The following DDHD2 variants were observed in gnomAD, a reference collection of about 807,000 sequenced individuals.
DDHD2 encodes DDHD domain containing 2, also known as triacylglycerol hydrolase DDHD2.
In DDHD2, 62 loss-of-function variants were observed where a neutral mutation model predicts 91.2. The observed-to-expected ratio is 0.68, with a 90% confidence interval of 0.55 to 0.84. DDHD2 has a LOEUF of 0.84. DDHD2 is among the 40% of genes least tolerant of loss of function. The probability of loss-of-function intolerance (pLI) is 0.00; values close to 1 mark genes in which losing one functional copy is unlikely to be tolerated. For synonymous variants in DDHD2, 271 were observed against 293.9 expected, an observed-to-expected ratio of 0.92 and a Z score of 0.80; for missense variants, 740 against 846.9, an observed-to-expected ratio of 0.87 and a Z score of 1.57.
chr8:38,252,591 A>C, intron 13 of DDHD2, 131 bp from the exon 14 acceptor site: 1 of 704,932 alleles, frequency 1.4e-6, no homozygotes, highest in Non-Finnish European at 2.3e-6. Flanking sequence ...ACAGTGAGCC[A>C]TGATTGCACC....
chr8:38,267,520 TTAG>T, downstream of DDHD2: 1 of 1,101,494 alleles, frequency 9.1e-7, no homozygotes, highest in Non-Finnish European at 1.3e-6. Context: ...GGTAACTGGC[TTAG>T]TATAGTCACC....
At chr8:38,234,868 A>G (rs1282193232) in intron 3 of DDHD2, among the ~76,000 whole-genome samples, 2 of 151,930 alleles carry the variant, frequency 1.3e-5, no homozygotes, top group Non-Finnish European at 2.9e-5. Flanking sequence ...CCCCGGTTCA[A>G]GTGATTCTCA....
intron 6 of DDHD2, among the ~76,000 whole-genome samples, chr8:38,241,393 T>C (rs1370863973): frequency 1.3e-5 from 2 of 151,958 alleles, no homozygotes; most frequent in Admixed American, 6.6e-5. Flanking sequence ...TCTTTTTTTT[T>C]CCTTTTCCTT....
At position 38,247,754 on chromosome 8, in the gene DDHD2, A is replaced by C; in HGVS notation, c.1167A>C (p.Thr389=). The change falls in exon 10 of 18, where the codon ACA becomes ACC. Residue 389 remains threonine (T), a synonymous_variant. Transcript: ENST00000397166. ...TAATGGATCAAGGAGATACACCTAC[A>C]CTAGAGGAAGATTTGAAGAAACTTC... ...NIVMDQGDTP[T]LEEDLKKLQL... 6.4e-7 allele frequency: 1 copy of C among 1,574,008 alleles called. No homozygotes were observed. The highest frequency in any genetic ancestry group is 8.7e-7 in the Non-Finnish European group (1 of 1,155,914).
At position 38,252,300 on chromosome 8, in the gene DDHD2, C is replaced by G; in HGVS notation, c.1617+13C>G. 6.3e-7 allele frequency: 1 copy of G among 1,596,468 alleles called. No homozygotes were observed. On this transcript the variant is annotated intron_variant, in intron 13 of 17. Transcript: ENST00000397166. ...TATTTATCACCCTGTAAGCATTGTA[C>G]AGCTATTGTGGTTTTACCTAAATAT...
chr8:38,265,010 T>C (rs898245934), downstream of DDHD2: 1 of 1,173,890 alleles, frequency 8.5e-7, no homozygotes, highest in Non-Finnish European at 1.3e-6. Context: ...GACTCACGCC[T>C]GTAATCCCAG....
In DDHD2 at chr8:38,251,925, CAG is replaced by C. The variant is rs748667004; in HGVS notation, c.1359_1360del (p.Ala454ProfsTer14). ...TTTATTCTTTAGGGTATTAAGAGAC[CAG>C]CCCCGCAGCCTGCTTCAGGGGCAAA... On this transcript the variant is annotated frameshift_variant, in exon 12 of 18. Coordinates refer to ENST00000397166, the MANE Select transcript of DDHD2 (RefSeq NM_015214.3). LOFTEE classifies it high-confidence loss of function. 24 of 1,613,228 alleles carry C rather than the reference CAG, an allele frequency of 1.5e-5. No homozygotes were observed. Among genetic ancestry groups the C allele is most frequent in the Non-Finnish European group, 1.9e-5 (22 of 1,179,316 alleles).
downstream of DDHD2, chr8:38,267,275 T>A: frequency 6.2e-7 from 1 of 1,614,020 alleles, no homozygotes; most frequent in Non-Finnish European, 8.5e-7. Flanking sequence ...ACAGGAAGAA[T>A]GTCCACTGGG....
At chr8:38,234,886 G>A (rs1355743939) in intron 3 of DDHD2, among the ~76,000 whole-genome samples, 1 of 151,740 alleles carries the variant, frequency 6.6e-6, no homozygotes, top group Non-Finnish European at 1.5e-5. Context: ...TCATGCCTCA[G>A]CCTCCCAAGT....
chr8:38,234,311 T>C lies in DDHD2; in HGVS notation c.221-83T>C. ...TTTTCATTCATGTGTTTCATAACAT[T>C]ATTTAGAGTATAACTGAGAATTGTA... On this transcript the variant is annotated intron_variant, in intron 2 of 17. Transcript: ENST00000397166. 4 of 1,028,374 alleles carry C rather than the reference T, an allele frequency of 3.9e-6. No homozygotes were observed. The South Asian group carries it at 9.2e-5, about 24-fold the overall frequency. The allele number at this position is 1,028,374 out of a possible 1,614,324, so 63.7% of individuals were successfully genotyped here.
In DDHD2 at chr8:38,251,824, C is replaced by A. The variant is rs1244231472; in HGVS notation, c.1345-88C>A. 7 of 869,550 alleles carry A rather than the reference C, an allele frequency of 8.1e-6. No homozygotes were observed. The East Asian group carries it at 1.5e-4, about 19-fold the overall frequency. The allele number at this position is 869,550 out of a possible 1,614,324, so 53.9% of individuals were successfully genotyped here. A position where few individuals can be genotyped will look rare whatever the true frequency, so the allele number is the denominator to read the frequency against. ...CTTGGGCTTAAACAATCCTACCTAC[C>A]TACCTACCTCAGGGTCCTGAGTAGC... On this transcript the variant is annotated intron_variant, in intron 11 of 17. Transcript: ENST00000397166.
At chr8:38,245,487 T>C (rs1421121007) in intron 7 of DDHD2, among the ~76,000 whole-genome samples, 1 of 151,956 alleles carries the variant, frequency 6.6e-6, no homozygotes, top group Non-Finnish European at 1.5e-5. Context: ...ACCACTTACC[T>C]CTCTGTCTAC....
intron 14 of DDHD2, 40 bp from the exon 15 acceptor site, chr8:38,252,917 C>CTTTGTAAA (rs776714539): frequency 6.2e-7 from 1 of 1,611,786 alleles, no homozygotes; most frequent in Non-Finnish European, 8.5e-7. Context: ...ACCCTAAGCT[C>CTTTGTAAA]TTTGTAAATC....
chr8:38,253,241 A>G, intron 15 of DDHD2, 114 bp downstream of exon 15: 1 of 1,162,712 alleles, frequency 8.6e-7, no homozygotes, highest in South Asian at 1.7e-5. Flanking sequence ...TTAATATTGC[A>G]TTCTTTTGCT....
intron 5 of DDHD2, among the ~76,000 whole-genome samples, chr8:38,239,313 G>A (rs1805054961): frequency 6.6e-6 from 1 of 150,982 alleles, no homozygotes; most frequent in Non-Finnish European, 1.5e-5. Context: ...GGTTGAGGCT[G>A]GAATGAGTGT....
intron 7 of DDHD2, among the ~76,000 whole-genome samples, chr8:38,245,129 T>A (rs1319171801): frequency 6.6e-6 from 1 of 151,956 alleles, no homozygotes; most frequent in Admixed American, 6.6e-5. Context: ...TTGATATGTC[T>A]TTTATTATAA....
At chr8:38,264,659 A>G, downstream of DDHD2, 1 of 1,507,396 alleles carries the variant, frequency 6.6e-7, no homozygotes, top group Non-Finnish European at 8.9e-7. Context: ...AAATCCTATT[A>G]CATACACATA....
rs189646446 is a variant in DDHD2 at position 38,269,116 on chromosome 8, T to G, written n.88-2006T>G. On this transcript the variant is annotated intron_variant and non_coding_transcript_variant, in intron 1 of 1. Coordinates refer to the DDHD2 transcript ENST00000526071. ...GGGGCCGCCCGGGCCCGGCCGTGGA[T>G]CTTTCTTACAGGAAGGCCGCGAACA... 1,757 of 1,524,906 alleles carry G rather than the reference T, an allele frequency of 1.2e-3. 22 individuals are homozygous for G. In the African/African-American group the frequency reaches 0.022, roughly 19 times the overall value. The allele number at this position is 1,524,906 out of a possible 1,614,324, so 94.5% of individuals were successfully genotyped here.
intron 9 of DDHD2, 109 bp downstream of exon 9, chr8:38,246,409 T>A: frequency 1.4e-6 from 1 of 724,446 alleles, no homozygotes; most frequent in Non-Finnish European, 2.4e-6. Context: ...GTCATGACAT[T>A]ACATTTACAC....
Sources: allele counts gnomAD v4.1 joint callset (sites outside exome capture counted in the v4.1 genomes callset), GRCh38; gene constraint gnomAD v4.1.1; transcripts MANE v1.5; gene names NCBI Gene and HGNC (gene_info 2026-07-23, HGNC 2026-07-21).